MICAL2: variants seen among roughly 807,000 people sequenced by gnomAD.
MICAL2 encodes the protein microtubule associated monooxygenase, calponin and LIM domain containing 2.
Under a neutral mutation model 127.3 loss-of-function variants are expected in MICAL2, and 77 were observed. The observed-to-expected ratio is 0.60, with a 90% CI of 0.50 to 0.73. The LOEUF (loss-of-function observed/expected upper bound fraction) is 0.73. Ranked by LOEUF, MICAL2 falls within the 30% of genes least tolerant of loss-of-function variation. The pLI is 0.00. For missense variants in MICAL2, 1,351 were observed against 1,434.4 expected (o/e 0.94, Z 0.94); for synonymous variants, 570 against 551.1 (o/e 1.03, Z -0.48).
intron 33 of MICAL2, chr11:12,349,968 C>A (rs1314800942): frequency 6.3e-7 from 1 of 1,595,734 alleles, no homozygotes; most frequent in South Asian, 1.1e-5. Flanking sequence ...ACCAGCGAGT[C>A]CTAAAAGCAA....
intron 22 of MICAL2, among the ~76,000 whole-genome samples, chr11:12,251,248 CAGTGAGTTTGAGGAGCAGT>C (rs1472359362): frequency 0.053 from 492 of 9,240 alleles, 4 homozygotes; most frequent in African/African-American, 0.18. Flanking sequence ...AGCTAAGCCA[CAGTGAGTTTGAGGAGCAGT>C]GAGCTAGCAG....
intron 3 of MICAL2, among the ~76,000 whole-genome samples, chr11:12,164,814 G>T (rs1439314150): frequency 6.6e-6 from 1 of 152,204 alleles, no homozygotes; most frequent in African/African-American, 2.4e-5. Context: ...AATCCCCAAG[G>T]ATGTGGGAGT....
chr11:12,243,979 C>T lies in MICAL2; in HGVS notation c.2659-8C>T. 1 of 1,613,666 alleles carries T rather than the reference C, an allele frequency of 6.2e-7. No individual in the cohort carries two copies. The highest frequency in any genetic ancestry group is 8.5e-7 in the Non-Finnish European group (1 of 1,179,614). The stretch of plus-strand genomic sequence containing the variant: ...AATCCTTGTTTCTTCTATTTCTGTT[C>T]TGTGCAGAATAAACTACTCTCTAAA... On this transcript the variant is annotated splice_region_variant and splice_polypyrimidine_tract_variant and intron_variant, in intron 20 of 27. Coordinates refer to ENST00000683283, the MANE Select transcript of MICAL2 (RefSeq NM_001282663.2).
intron 3 of MICAL2, among the ~76,000 whole-genome samples, chr11:12,182,982 C>T (rs1419375606): frequency 6.6e-6 from 1 of 152,074 alleles, no homozygotes; most frequent in Non-Finnish European, 1.5e-5. Flanking sequence ...CGCAGACCTG[C>T]GTTTACTCTC....
At chr11:12,276,169 A>T (rs1863720675) in intron 1 of MICAL2, 2 of 399,158 alleles carry the variant, frequency 5.0e-6, no homozygotes, top group Non-Finnish European at 8.8e-6. Context: ...GACAGCAGGT[A>T]TGCTCAGGCT....
intron 3 of MICAL2, among the ~76,000 whole-genome samples, chr11:12,199,413 C>T (rs1366521244): frequency 2.0e-5 from 3 of 152,154 alleles, no homozygotes; most frequent in African/African-American, 7.2e-5. Context: ...CTTCTGCACT[C>T]GACCTCGCTG....
At chr11:12,347,116 T>C (rs1938967849) in intron 32 of MICAL2, among the ~76,000 whole-genome samples, 2 of 150,808 alleles carry the variant, frequency 1.3e-5, no homozygotes. Flanking sequence ...CCCCATTGCC[T>C]TGTGTTTCCT....
At chr11:12,327,141 T>G in intron 31 of MICAL2, 1 of 1,544,240 alleles carries the variant, frequency 6.5e-7, no homozygotes, top group Non-Finnish European at 8.8e-7. Context: ...ATGTGGAAAG[T>G]CCTTGTGTGA....
intron 2 of MICAL2, among the ~76,000 whole-genome samples, chr11:12,282,123 C>CTAT (rs2134766996): frequency 6.6e-6 from 1 of 152,294 alleles, no homozygotes; most frequent in Non-Finnish European, 1.5e-5. Flanking sequence ...GGAAAGAACT[C>CTAT]ATATAGATAT....
intron 1 of MICAL2, 113 bp from the exon 2 acceptor site, chr11:12,138,277 T>A (rs762963250): frequency 1.3e-5 from 2 of 152,222 alleles, no homozygotes; most frequent in Non-Finnish European, 2.9e-5. Context: ...CTGGGTGAAG[T>A]GTCCCACAAG....
chr11:12,193,598 C>A (rs1859497611), intron 3 of MICAL2, among the ~76,000 whole-genome samples: 1 of 152,020 alleles, frequency 6.6e-6, no homozygotes, highest in South Asian at 2.1e-4. Flanking sequence ...GACAGTGGGC[C>A]CTAATACTTC....
Position 12,262,007 on chromosome 11 carries a change from A to T in MICAL2, c.3335-473A>T, listed in dbSNP as rs1323342602. 5 of 1,000,760 alleles carry T rather than the reference A, an allele frequency of 5.0e-6. No homozygotes were observed. In the African/African-American group the frequency reaches 6.9e-5, roughly 14 times the overall value. The allele number at this position is 1,000,760 out of a possible 1,614,324, so 62.0% of individuals were successfully genotyped here. ...GAGTGTTCCATGAAGCCCGAGTCGGAATCTCTGACTGTCGTGTACAGCCAT... is the reference window on the plus strand; with the variant it reads ...GAGTGTTCCATGAAGCCCGAGTCGGTATCTCTGACTGTCGTGTACAGCCAT... On this transcript the variant is annotated intron_variant, in intron 26 of 27. Transcript: ENST00000683283.
At chr11:12,136,264 G>A (rs1210016894) in intron 1 of MICAL2, among the ~76,000 whole-genome samples, 1 of 152,114 alleles carries the variant, frequency 6.6e-6, no homozygotes, top group Admixed American at 6.5e-5. Context: ...ATAGTGTCAG[G>A]GAGTGAGCAT....
At chr11:12,260,860 C>T (rs1863023355) in intron 26 of MICAL2, 1 of 985,304 alleles carries the variant, frequency 1.0e-6, no homozygotes, top group African/African-American at 1.7e-5. Flanking sequence ...AACTCACAGC[C>T]AAATGACAAA....
At chr11:12,341,696 G>C (rs376610023) in intron 32 of MICAL2, among the ~76,000 whole-genome samples, 2 of 152,042 alleles carry the variant, frequency 1.3e-5, no homozygotes, top group African/African-American at 4.8e-5. Flanking sequence ...GCATGGTGGC[G>C]CATGCCTGTA....
intron 29 of MICAL2, among the ~76,000 whole-genome samples, chr11:12,318,939 T>A (rs1332964128): frequency 6.6e-6 from 1 of 152,204 alleles, no homozygotes; most frequent in Non-Finnish European, 1.5e-5. Flanking sequence ...CGGCTCTCCC[T>A]TGGGCCCTGT....
At chr11:12,249,287 A>C in intron 22 of MICAL2, 41 bp downstream of exon 22, 1 of 1,203,810 alleles carries the variant, frequency 8.3e-7, no homozygotes, top group South Asian at 1.2e-5. Flanking sequence ...CCTCACCTGC[A>C]AAGGGGGATT....
At chr11:12,197,919 C>G (rs185366732) in intron 3 of MICAL2, 14 of 152,234 alleles carry the variant, frequency 9.2e-5, no homozygotes, top group Middle Eastern at 6.8e-3. Context: ...GCATAGGATA[C>G]CTTTTTCCAT....
intron 24 of MICAL2, among the ~76,000 whole-genome samples, chr11:12,270,160 G>C (rs1251327963): frequency 6.6e-6 from 1 of 152,200 alleles, no homozygotes; most frequent in Admixed American, 6.5e-5. Context: ...CCTGCCACAA[G>C]CATCTTCCTA....
Sources: allele counts gnomAD v4.1 joint callset (sites outside exome capture counted in the v4.1 genomes callset), GRCh38; gene constraint gnomAD v4.1.1; transcripts MANE v1.5; gene names NCBI Gene and HGNC (gene_info 2026-07-23, HGNC 2026-07-21).